DUOX1: variants seen among roughly 807,000 people sequenced by gnomAD.
The protein encoded by DUOX1 is NADPH thyroid oxidase 1.
Under a neutral mutation model 181.8 loss-of-function variants are expected in DUOX1, and 134 were observed. The ratio of observed to expected loss-of-function variants is 0.74; its 90% CI spans 0.64 to 0.85. The LOEUF is 0.85. Among genes scored for constraint, DUOX1 ranks in the 40% least tolerant of loss-of-function variants. The pLI is 0.00. For missense variants in DUOX1, 1,814 were observed against 2,064.4 expected, an observed-to-expected ratio of 0.88 and a Z score of 2.35; for synonymous variants, 798 against 832.5, an observed-to-expected ratio of 0.96 and a Z score of 0.71.
In DUOX1 at chr15:45,143,258, G is replaced by T; in HGVS notation, c.1891G>T (p.Asp631Tyr). 1.2e-6 allele frequency: 2 copies of T among 1,614,154 alleles called. No homozygotes were observed. The highest frequency in any genetic ancestry group is 1.7e-6 in the Non-Finnish European group (2 of 1,180,024). Residue 631 changes from aspartate (D) to tyrosine (Y), a missense_variant, in exon 16 of 34, where the codon GAC (aspartate) becomes TAC (tyrosine). By Grantham distance (160) the Asp-to-Tyr change is radical. This residue lies in a region of DUOX1 where 1,064 missense variants were observed against 1,152.9 expected (regional missense o/e 0.92). Transcript: ENST00000389037. ...MRNFKRLQGQ[D>Y]RQSIVSEKLV... Reference sequence around the variant, plus strand: ...AAATTTCAAGAGGCTCCAGGGCCAGGACCGCCAGAGCATCGTGTCTGAGAA... The same window carrying T: ...AAATTTCAAGAGGCTCCAGGGCCAGTACCGCCAGAGCATCGTGTCTGAGAA...
At chr15:45,152,790 A>G in intron 25 of DUOX1, 1 of 557,482 alleles carries the variant, frequency 1.8e-6, no homozygotes, top group South Asian at 2.1e-5. Context: ...CAATTCTCCC[A>G]ATTTTTATGT....
At chr15:45,150,346 C>T (rs1019498511) in intron 21 of DUOX1, 2 of 443,084 alleles carry the variant, frequency 4.5e-6, no homozygotes, top group Non-Finnish European at 8.2e-6. Flanking sequence ...ATATACAGTT[C>T]CCGAAATCTA....
At position 45,144,881 on chromosome 15, in the gene DUOX1, G is replaced by A; in HGVS notation, c.2137-14G>A. On this transcript the variant is annotated splice_polypyrimidine_tract_variant and intron_variant, in intron 17 of 33. Transcript: ENST00000389037. ...CTTGGCAAATGGTTGCTTTTGCTCG[G>A]GCTGCCCCCTTAGGTGCTGCTGTTT... 6.3e-7 allele frequency: 1 copy of A among 1,593,836 alleles called. No individual in the cohort carries two copies. Among genetic ancestry groups the A allele is most frequent in the Non-Finnish European group, 8.5e-7 (1 of 1,171,276 alleles).
intron 33 of DUOX1, among the ~76,000 whole-genome samples, chr15:45,164,165 T>C (rs983206319): frequency 1.3e-5 from 2 of 152,110 alleles, no homozygotes; most frequent in African/African-American, 4.8e-5. Flanking sequence ...AGCTCAATCA[T>C]TGAGCTAGTC....
rs144395833 is a variant in DUOX1 at position 45,161,881 on chromosome 15, C to T, written c.4000C>T (p.Leu1334=). 4.4e-5 allele frequency: 71 copies of T among 1,613,902 alleles called. No individual in the cohort carries two copies. Among genetic ancestry groups the T allele is most frequent in the Middle Eastern group, 3.3e-4 (2 of 6,084 alleles). ...TSAPHEDTLS[L]HIRAAGPWTT... ...TGCGCCCCATGAGGACACGCTTAGC[C>T]TGCACATCCGGGCAGCAGGGCCCTG... is the stretch of plus-strand genomic sequence containing the variant. The change falls in exon 30 of 34, where the codon CTG becomes TTG. Residue 1334 remains leucine, a synonymous_variant. Transcript: ENST00000389037.
chr15:45,136,342 C>T lies in DUOX1; in HGVS notation c.865-8C>T, dbSNP rs752765371. 7.4e-6 allele frequency: 12 copies of T among 1,613,304 alleles called. No individual in the cohort carries two copies. The highest frequency in any genetic ancestry group is 6.7e-5 in the African/African-American group (5 of 74,890). ...TCGTGCCTCCCCTCGCCCCTCTCTG[C>T]CCCTCAGAACATCGCTGTGTATGAG... On this transcript the variant is annotated splice_region_variant and splice_polypyrimidine_tract_variant and intron_variant, in intron 7 of 33. Coordinates refer to ENST00000389037, the MANE Select transcript of DUOX1 (RefSeq NM_175940.3).
intron 19 of DUOX1, 42 bp from the exon 20 acceptor site, chr15:45,147,862 A>T: frequency 6.4e-7 from 1 of 1,571,048 alleles, no homozygotes; most frequent in Non-Finnish European, 8.8e-7. Flanking sequence ...GGGTTCAGGC[A>T]GGCAGGCGGG....
At chr15:45,137,330 G>C (rs1464289463) in intron 9 of DUOX1, among the ~76,000 whole-genome samples, 2 of 133,580 alleles carry the variant, frequency 1.5e-5, no homozygotes, top group Non-Finnish European at 3.1e-5. Context: ...ATTGCACTCC[G>C]GCCTGGACAA....
In DUOX1 at chr15:45,164,936, G is replaced by A; in HGVS notation, c.*35G>A. The stretch of plus-strand genomic sequence containing the variant: ...CGGGGGTTCTGCCCACTGCCCAGTT[G>A]AGCAGAGGTTTGAGCCCACACCTCA... On this transcript the variant is annotated 3_prime_UTR_variant, in exon 34 of 34. Coordinates refer to ENST00000389037, the MANE Select transcript of DUOX1 (RefSeq NM_175940.3). 1 of 1,611,078 alleles carries A rather than the reference G, an allele frequency of 6.2e-7. No homozygotes were observed. Among genetic ancestry groups the A allele is most frequent in the Non-Finnish European group, 8.5e-7 (1 of 1,177,526 alleles).
rs975294988 is a variant in DUOX1 at position 45,150,668 on chromosome 15, G to A, written c.2855G>A (p.Arg952Gln). ...CCTGAAGTCATCAAGGACCTCTGCC[G>A]GCGAGCCTCCTACATCAGCCAGGAT... Reference protein sequence around the residue: ...EVPEVIKDLCRRASYISQDMI... With the variant: ...EVPEVIKDLCQRASYISQDMI... Residue 952 changes from arginine (R) to glutamine (Q), a missense_variant, in exon 22 of 34, where the codon CGG (arginine) becomes CAG (glutamine). Coordinates refer to ENST00000389037, the MANE Select transcript of DUOX1 (RefSeq NM_175940.3). 25 of 1,614,042 alleles carry A rather than the reference G, an allele frequency of 1.5e-5. No individual in the cohort carries two copies. The highest frequency in any genetic ancestry group is 2.2e-5 in the East Asian group (1 of 44,890).
chr15:45,141,301 C>T lies in DUOX1; in HGVS notation c.1575C>T (p.Ser525=). Residue 525 remains serine (S), a synonymous_variant, in exon 14 of 34, where the codon TCC becomes TCT. Coordinates refer to ENST00000389037, the MANE Select transcript of DUOX1 (RefSeq NM_175940.3). ...WFENTRNGLF[S]KKEIEEIRNT... ...ACTTACTCCAACTTAGGCTGTTCTC[C>T]AAGAAGGAGATTGAAGAAATCCGAA... 6.2e-7 allele frequency: 1 copy of T among 1,614,192 alleles called. No individual in the cohort carries two copies. The highest frequency in any genetic ancestry group is 8.5e-7 in the Non-Finnish European group (1 of 1,180,028).
At chr15:45,154,491 G>C (rs1443455310) in intron 27 of DUOX1, among the ~76,000 whole-genome samples, 1 of 152,036 alleles carries the variant, frequency 6.6e-6, no homozygotes, top group South Asian at 2.1e-4. Context: ...GCTATTAGCT[G>C]TGAATCTATT....
chr15:45,160,077 G>C (rs1175202232), intron 28 of DUOX1, among the ~76,000 whole-genome samples: 1 of 152,106 alleles, frequency 6.6e-6, no homozygotes, highest in African/African-American at 2.4e-5. Flanking sequence ...TCTTGAACCT[G>C]GGAGGCGGAG....
intron 1 of DUOX1, among the ~76,000 whole-genome samples, chr15:45,130,821 G>A (rs1187847998): frequency 2.0e-5 from 3 of 152,244 alleles, no homozygotes; most frequent in South Asian, 2.1e-4. Context: ...CATGGTGGTG[G>A]CGGGGGAGGG....
chr15:45,134,426 G>C, intron 4 of DUOX1, 117 bp downstream of exon 4: 1 of 1,103,582 alleles, frequency 9.1e-7, no homozygotes, highest in Non-Finnish European at 1.3e-6. Context: ...ATGAGGGTGA[G>C]AGGTGGAGGA....
At chr15:45,136,463 G>A in intron 8 of DUOX1, 53 bp downstream of exon 8, 1 of 1,614,064 alleles carries the variant, frequency 6.2e-7, no homozygotes, top group African/African-American at 1.3e-5. Context: ...TTGCGGGGTG[G>A]GGTGGGGACT....
At chr15:45,134,807 G>A (rs1896244401) in intron 4 of DUOX1, among the ~76,000 whole-genome samples, 1 of 152,168 alleles carries the variant, frequency 6.6e-6, no homozygotes, top group Non-Finnish European at 1.5e-5. Context: ...CCTGGCTCCT[G>A]CTGCGTTTTG....
rs1428144938 is a variant in DUOX1 at position 45,148,372 on chromosome 15, C to G, written c.2743C>G (p.Leu915Val). Residue 915 changes from leucine to valine, a missense_variant, in exon 21 of 34, where the codon CTG (leucine) becomes GTG (valine). By Grantham distance (32) the Leu-to-Val change is conservative. Coordinates refer to ENST00000389037, the MANE Select transcript of DUOX1 (RefSeq NM_175940.3). ...RESGFQDKEE[L>V]TWEDFHFMLR... ...GTCGGGATTCCAGGACAAGGAGGAACTGACATGGGAAGATTTTCACTTCAT... is the reference window on the plus strand; with the variant it reads ...GTCGGGATTCCAGGACAAGGAGGAAGTGACATGGGAAGATTTTCACTTCAT... 4.3e-6 allele frequency: 7 copies of G among 1,614,078 alleles called. No individual in the cohort carries two copies. Among genetic ancestry groups the G allele is most frequent in the Non-Finnish European group, 5.9e-6 (7 of 1,180,034 alleles).
At chr15:45,150,822 G>GGTGTCCTTTTCTA in intron 22 of DUOX1, 121 bp downstream of exon 22, 1 of 957,894 alleles carries the variant, frequency 1.0e-6, no homozygotes, top group Non-Finnish European at 1.6e-6. Context: ...ATTAGAAAAG[G>GGTGTCCTTTTCTA]ACACCCCTTT....
Sources: allele counts gnomAD v4.1 joint callset (sites outside exome capture counted in the v4.1 genomes callset), GRCh38; gene constraint gnomAD v4.1.1; regional missense constraint gnomAD v4.1.1; transcripts MANE v1.5; gene names NCBI Gene and HGNC (gene_info 2026-07-23, HGNC 2026-07-21).